Variants in DOCK11 observed in about 807,000 individuals in gnomAD.
The protein encoded by DOCK11 is dedicator of cytokinesis 11, also known as dedicator of cytokinesis protein 11.
DOCK11 carries 70 observed loss-of-function variants against 169.1 expected under a neutral mutation model. The ratio of observed to expected loss-of-function variants is 0.41; its 90% CI spans 0.34 to 0.51. DOCK11 has a LOEUF of 0.51. Ranked by LOEUF, DOCK11 falls within the 20% of genes least tolerant of loss-of-function variation. The pLI, the probability that DOCK11 is intolerant of heterozygous loss-of-function variation, is 0.10. For missense variants in DOCK11, 1,166 were observed against 1,538.8 expected, an observed-to-expected ratio of 0.76 and a Z score of 4.05; for synonymous variants, 529 against 541.3, an observed-to-expected ratio of 0.98 and a Z score of 0.32.
intron 20 of DOCK11, among the ~76,000 whole-genome samples, chrX:118,593,567 G>C (rs2014069881): frequency 8.9e-6 from 1 of 111,748 alleles, no homozygotes; most frequent in Non-Finnish European, 1.9e-5. Flanking sequence ...CATAGCAAGA[G>C]GTGAAAGGCA....
intron 1 of DOCK11, among the ~76,000 whole-genome samples, chrX:118,520,492 C>T (rs1406296155): frequency 8.9e-6 from 1 of 112,575 alleles, no homozygotes; most frequent in Non-Finnish European, 1.9e-5. Flanking sequence ...TGCATATAAC[C>T]AGTGAAAAGA....
chrX:118,568,393 T>G (rs2013152910), intron 10 of DOCK11, among the ~76,000 whole-genome samples: 2 of 70,331 alleles, frequency 2.8e-5, no homozygotes, highest in East Asian at 8.9e-4. Context: ...TATATATATA[T>G]ATATATATAT....
intron 1 of DOCK11, among the ~76,000 whole-genome samples, chrX:118,530,078 G>A: frequency 8.9e-6 from 1 of 112,626 alleles, no homozygotes. Context: ...TTAGCCATAG[G>A]AAAGGTGTTG....
At chrX:118,573,064 C>G (rs184653506) in intron 11 of DOCK11, among the ~76,000 whole-genome samples, 1 of 112,508 alleles carries the variant, frequency 8.9e-6, no homozygotes, top group Admixed American at 9.4e-5. Context: ...TGACAGCTCT[C>G]ATGGATCATT....
intron 1 of DOCK11, among the ~76,000 whole-genome samples, chrX:118,531,302 A>G (rs1291450490): frequency 9.5e-6 from 1 of 105,381 alleles, no homozygotes; most frequent in Non-Finnish European, 1.9e-5. Flanking sequence ...AAAATAAAAA[A>G]GAAATAGCCA....
At chrX:118,625,894 T>C (rs755143600) in intron 32 of DOCK11, among the ~76,000 whole-genome samples, 1 of 111,117 alleles carries the variant, frequency 9.0e-6, no homozygotes, top group Admixed American at 9.6e-5. Context: ...TAAACATTCC[T>C]TCTCACATTA....
intron 14 of DOCK11, among the ~76,000 whole-genome samples, chrX:118,583,341 A>T: frequency 9.0e-6 from 1 of 110,653 alleles, no homozygotes; most frequent in Middle Eastern, 4.6e-3. Context: ...TGATAGGTTG[A>T]TGGGTACAGC....
rs753314941 is a variant in DOCK11 at position 118,588,118 on chromosome X, GT to G, written c.1796-12del. ...TTATTAAACTGAATGATCTTTGCCT[GT>G]TTTTTTCCCTGCTATAGATTGTATT... On this transcript the variant is annotated intron_variant, in intron 16 of 52. Coordinates refer to ENST00000276202, the MANE Select transcript of DOCK11 (RefSeq NM_144658.4). The G allele has an allele frequency of 1.4e-5, 16 of 1,128,331 alleles. No homozygotes were observed. The highest frequency in any genetic ancestry group is 2.5e-4 in the Middle Eastern group (1 of 4,025). The allele number at this position is 1,128,331 out of a possible 1,213,427, so 93.0% of individuals were successfully genotyped here. A position where few individuals can be genotyped will look rare whatever the true frequency, so the allele number is the denominator to read the frequency against.
chrX:118,504,098 G>A (rs1001108141), intron 1 of DOCK11, among the ~76,000 whole-genome samples: 1 of 111,027 alleles, frequency 9.0e-6, no homozygotes, highest in African/African-American at 3.3e-5. Flanking sequence ...CCAGATAGGA[G>A]TCCAGTGGTC....
chrX:118,512,936 C>A (rs1168866251), intron 1 of DOCK11, among the ~76,000 whole-genome samples: 6 of 112,077 alleles, frequency 5.4e-5, no homozygotes, highest in Non-Finnish European at 1.1e-4. Context: ...CATTCTCTTT[C>A]TTGCAAGCTA....
intron 1 of DOCK11, among the ~76,000 whole-genome samples, chrX:118,541,518 G>C (rs761963954): frequency 6.3e-5 from 7 of 111,846 alleles, no homozygotes; most frequent in African/African-American, 1.3e-4. Flanking sequence ...TATTTCTGAG[G>C]GGAAAAAGAA....
intron 44 of DOCK11, among the ~76,000 whole-genome samples, chrX:118,659,687 A>C (rs2147556999): frequency 8.9e-6 from 1 of 111,968 alleles, no homozygotes; most frequent in Admixed American, 9.5e-5. Flanking sequence ...TGAAGCTGAA[A>C]ATTCACAATA....
At chrX:118,513,650 A>C (rs2057664258) in intron 1 of DOCK11, among the ~76,000 whole-genome samples, 1 of 112,312 alleles carries the variant, frequency 8.9e-6, no homozygotes. Context: ...GAAATTATGT[A>C]ATTGTAACCC....
intron 30 of DOCK11, 51 bp from the exon 31 acceptor site, chrX:118,618,499 T>G: frequency 2.1e-6 from 2 of 952,256 alleles, no homozygotes; most frequent in African/African-American, 3.9e-5. Flanking sequence ...TTAATTATAA[T>G]CATGTTTTGA....
chrX:118,637,631 C>A (rs1221560321), intron 36 of DOCK11, among the ~76,000 whole-genome samples: 1 of 110,905 alleles, frequency 9.0e-6, no homozygotes, highest in African/African-American at 3.3e-5. Context: ...TGGTGATGTG[C>A]ACCTGTGGTT....
intron 30 of DOCK11, chrX:118,616,139 A>G: frequency 2.8e-6 from 2 of 710,741 alleles, no homozygotes. Context: ...GCTTTGTTGT[A>G]TAGCACTATT....
chrX:118,516,022 T>TATATATATATATATA (rs1477771599), intron 1 of DOCK11, among the ~76,000 whole-genome samples: 6 of 88,286 alleles, frequency 6.8e-5, no homozygotes, highest in Admixed American at 1.2e-4. Flanking sequence ...TATATATACA[T>TATATATATATATATA]TCTTACACCA....
intron 14 of DOCK11, among the ~76,000 whole-genome samples, chrX:118,582,003 G>C (rs1370535479): frequency 1.3e-4 from 14 of 108,066 alleles, no homozygotes; most frequent in Non-Finnish European, 2.3e-4. Flanking sequence ...GATGGCAGGC[G>C]CCTGTAATCC....
intron 7 of DOCK11, among the ~76,000 whole-genome samples, chrX:118,565,237 A>G (rs6645504): frequency 0.34 from 37,526 of 110,226 alleles, 4,793 homozygotes; most frequent in East Asian, 0.54. Flanking sequence ...CACTGCCCCC[A>G]TCTTTACTTT....
Sources: gnomAD v4.1 joint callset for allele counts (sites outside exome capture counted in the v4.1 genomes callset) on GRCh38, gnomAD v4.1.1 for gene constraint, MANE v1.5 for transcripts, NCBI Gene and HGNC (gene_info 2026-07-23, HGNC 2026-07-21) for gene names.